CSMD1: variants seen among roughly 807,000 people sequenced by gnomAD.
The protein encoded by CSMD1 is CUB and Sushi multiple domains 1.
A neutral mutation model predicts 417.5 loss-of-function variants in CSMD1; 213 were observed. The ratio of observed to expected loss-of-function variants is 0.51; its 90% CI spans 0.46 to 0.57. CSMD1 has a LOEUF of 0.57. Ranked by LOEUF, CSMD1 falls within the 20% of genes least tolerant of loss-of-function variation. The pLI is 0.00. For missense variants in CSMD1, 6,923 were observed against 4,529.7 expected (o/e 1.53, Z -15.17); for synonymous variants, 2,862 against 1,736.8 (o/e 1.65, Z -16.11).
Position 4,639,688 on chromosome 8 carries a change from G to C in CSMD1, c.86-2130C>G, listed in dbSNP as rs183699644. 1.4e-4 allele frequency among the ~76,000 whole-genome samples: 22 copies of C among 152,216 alleles called. No individual in the cohort carries two copies. In the East Asian group the frequency reaches 3.9e-3, roughly 27 times the overall value. Reference sequence around the variant, plus strand: ...TATTATCTCAGCTCTTATTGTTAAAGTACAAATAGAAAATTATTTTCAACT... The same window carrying C: ...TATTATCTCAGCTCTTATTGTTAAACTACAAATAGAAAATTATTTTCAACT... On this transcript the variant is annotated intron_variant, in intron 1 of 69. Transcript: ENST00000635120.
chr8:3,752,933 A>C (rs1206746409), intron 6 of CSMD1, among the ~76,000 whole-genome samples: 1 of 152,210 alleles, frequency 6.6e-6, no homozygotes, highest in Non-Finnish European at 1.5e-5. Context: ...ACAGATATTT[A>C]GACCAGTTTG....
intron 3 of CSMD1, among the ~76,000 whole-genome samples, chr8:4,203,619 T>C (rs1357711948): frequency 1.3e-5 from 2 of 152,132 alleles, no homozygotes; most frequent in African/African-American, 4.8e-5. Flanking sequence ...ACTCAAAATA[T>C]GTATGGCTGG....
chr8:4,453,753 C>T (rs1012650969), intron 2 of CSMD1, among the ~76,000 whole-genome samples: 1 of 151,066 alleles, frequency 6.6e-6, no homozygotes, highest in Non-Finnish European at 1.5e-5. Context: ...TTCCGGGTCC[C>T]CATTTGAGCG....
intron 5 of CSMD1, among the ~76,000 whole-genome samples, chr8:3,815,935 A>G (rs148989860): frequency 6.0e-4 from 91 of 152,344 alleles, no homozygotes; most frequent in African/African-American, 1.7e-3. Context: ...CAAATAATTC[A>G]CTGGACTAGA....
At chr8:3,963,373 T>G (rs958441591) in intron 5 of CSMD1, among the ~76,000 whole-genome samples, 2 of 152,180 alleles carry the variant, frequency 1.3e-5, no homozygotes, top group African/African-American at 4.8e-5. Context: ...TAGCAAGATT[T>G]TCAGTAATAT....
chr8:4,912,711 G>A (rs553208765), intron 1 of CSMD1, among the ~76,000 whole-genome samples: 1 of 152,158 alleles, frequency 6.6e-6, no homozygotes, highest in Admixed American at 6.5e-5. Context: ...AAGGGAAACA[G>A]AATAACCACC....
At chr8:4,421,525 G>C (rs554349362) in intron 2 of CSMD1, among the ~76,000 whole-genome samples, 1 of 151,732 alleles carries the variant, frequency 6.6e-6, no homozygotes, top group Non-Finnish European at 1.5e-5. Context: ...AAATCAGTAA[G>C]ATAAAAATGA....
chr8:3,267,841 G>A (rs763085919), intron 26 of CSMD1, among the ~76,000 whole-genome samples: 3 of 152,238 alleles, frequency 2.0e-5, no homozygotes, highest in East Asian at 1.9e-4. Flanking sequence ...AACCATTGAC[G>A]GGATGTGCAG....
At chr8:3,612,953 G>C (rs1801963017) in intron 8 of CSMD1, among the ~76,000 whole-genome samples, 1 of 151,984 alleles carries the variant, frequency 6.6e-6, no homozygotes, top group South Asian at 2.1e-4. Context: ...TGAAATTGAA[G>C]AGAAACTAAA....
chr8:4,056,625 C>A (rs936604425), intron 3 of CSMD1, among the ~76,000 whole-genome samples: 1 of 151,606 alleles, frequency 6.6e-6, no homozygotes, highest in Non-Finnish European at 1.5e-5. Context: ...ATGCTGGGGT[C>A]CTGCACCCAT....
At chr8:4,109,965 A>T (rs1464691114) in intron 3 of CSMD1, among the ~76,000 whole-genome samples, 3 of 152,146 alleles carry the variant, frequency 2.0e-5, no homozygotes, top group Non-Finnish European at 4.4e-5. Context: ...TACTCTATGA[A>T]AAAGTCCAAG....
At chr8:3,091,686 A>G (rs1475540111) in intron 47 of CSMD1, 24 bp from the exon 48 acceptor site, 2 of 1,598,918 alleles carry the variant, frequency 1.3e-6, no homozygotes, top group Non-Finnish European at 1.7e-6. Flanking sequence ...AAAAACAAAA[A>G]CATTCAGAGA....
chr8:4,025,049 A>G (rs2912267), intron 4 of CSMD1, among the ~76,000 whole-genome samples: 33,330 of 152,180 alleles, frequency 0.22, 4,583 homozygotes, highest in South Asian at 0.32. Context: ...CCGGGACAAC[A>G]TCAGACTAAT....
chr8:3,082,898 G>A (rs899073133), intron 49 of CSMD1, among the ~76,000 whole-genome samples: 1 of 152,148 alleles, frequency 6.6e-6, no homozygotes, highest in African/African-American at 2.4e-5. Context: ...AGATTCTCAT[G>A]TCCCAGCTTT....
chr8:3,092,101 C>T (rs909526942), intron 47 of CSMD1, among the ~76,000 whole-genome samples: 1 of 152,006 alleles, frequency 6.6e-6, no homozygotes. Flanking sequence ...TTTCTATGAA[C>T]CCTAGCACAT....
chr8:4,219,871 A>T lies in CSMD1; in HGVS notation c.416-187772T>A, dbSNP rs934320262. On this transcript the variant is annotated intron_variant, in intron 3 of 69. Transcript: ENST00000635120. ...AGTGGGGAGTGCATAGAAAGACAAAATCTCGAATTAATACCAGGTGGAAAC... is the reference window on the plus strand; with the variant it reads ...AGTGGGGAGTGCATAGAAAGACAAATTCTCGAATTAATACCAGGTGGAAAC... 2.6e-5 allele frequency among the ~76,000 whole-genome samples: 4 copies of T among 152,200 alleles called. No homozygotes were observed. In the South Asian group the frequency reaches 8.3e-4, roughly 32 times the overall value.
At chr8:3,749,507 T>A (rs1797220815) in intron 6 of CSMD1, among the ~76,000 whole-genome samples, 1 of 151,968 alleles carries the variant, frequency 6.6e-6, no homozygotes, top group Non-Finnish European at 1.5e-5. Context: ...ATAAAGAATT[T>A]GGAGATGAAA....
intron 5 of CSMD1, among the ~76,000 whole-genome samples, chr8:3,796,745 G>C (rs1381451002): frequency 1.3e-5 from 2 of 150,972 alleles, no homozygotes; most frequent in Admixed American, 6.6e-5. Context: ...GTTATAGGTG[G>C]TTGCAATTAT....
chr8:3,774,475 A>G (rs76899562), intron 5 of CSMD1, among the ~76,000 whole-genome samples: 3,180 of 152,280 alleles, frequency 0.021, 151 homozygotes, highest in East Asian at 0.15. Context: ...CCTGGCTCAT[A>G]GGACAGAGAG....
Sources: allele counts gnomAD v4.1 joint callset (sites outside exome capture counted in the v4.1 genomes callset), GRCh38; gene constraint gnomAD v4.1.1; transcripts MANE v1.5; gene names NCBI Gene and HGNC (gene_info 2026-07-23, HGNC 2026-07-21).